Variants in DPP6 observed in about 807,000 individuals in gnomAD.
DPP6 encodes the protein A-type potassium channel modulatory protein DPP6.
Under a neutral mutation model 122.6 loss-of-function variants are expected in DPP6, and 69 were observed. The observed-to-expected ratio is 0.56, with a 90% CI of 0.46 to 0.69. DPP6 has a LOEUF of 0.69. Among genes scored for constraint, DPP6 ranks in the 30% least tolerant of loss-of-function variants. The probability of loss-of-function intolerance (pLI) is 0.00; values close to 1 mark genes in which losing one functional copy is unlikely to be tolerated. For synonymous variants in DPP6, 418 were observed against 433.1 expected, an observed-to-expected ratio of 0.97 and a Z score of 0.43; for missense variants, 928 against 1,116.9, an observed-to-expected ratio of 0.83 and a Z score of 2.41.
intron 1 of DPP6, among the ~76,000 whole-genome samples, chr7:153,964,982 T>C (rs71540572): frequency 0.15 from 11,457 of 78,752 alleles, 836 homozygotes; most frequent in Admixed American, 0.23. Flanking sequence ...TCTTTTCCCT[T>C]CCTTCCTTCC....
chr7:153,984,719 G>A (rs1293862291), intron 1 of DPP6, among the ~76,000 whole-genome samples: 1 of 152,186 alleles, frequency 6.6e-6, no homozygotes, highest in Non-Finnish European at 1.5e-5. Context: ...CCATGAGGTT[G>A]TCATCATTTA....
intron 1 of DPP6, among the ~76,000 whole-genome samples, chr7:154,424,470 C>A (rs774195885): frequency 6.6e-6 from 1 of 152,182 alleles, no homozygotes; most frequent in African/African-American, 2.4e-5. Flanking sequence ...CTCTTTCCTC[C>A]GCCTTCAGAG....
chr7:154,363,380 G>A (rs1811896239), intron 1 of DPP6, among the ~76,000 whole-genome samples: 2 of 152,212 alleles, frequency 1.3e-5, no homozygotes, highest in South Asian at 4.1e-4. Flanking sequence ...AGAGGGTTGG[G>A]TAGGGCTTTA....
chr7:154,388,747 C>T (rs182868563), intron 1 of DPP6, among the ~76,000 whole-genome samples: 1 of 151,990 alleles, frequency 6.6e-6, no homozygotes, highest in African/African-American at 2.4e-5. Flanking sequence ...TGGGGTGGAG[C>T]GTTGACCAGG....
chr7:154,082,921 T>C (rs1415771765), intron 1 of DPP6, among the ~76,000 whole-genome samples: 7 of 148,974 alleles, frequency 4.7e-5, no homozygotes, highest in Non-Finnish European at 1.5e-5. Context: ...TGATCTCAGC[T>C]CACTGCAAGC....
rs370831614 is a variant in DPP6, at chr7:154,217,157, G to C, written c.243+164094G>C. Among the ~76,000 whole-genome samples, 31 of 151,780 alleles carry C rather than the reference G, an allele frequency of 2.0e-4. No individual in the cohort carries two copies. The South Asian group carries it at 6.4e-3, about 32-fold the overall frequency. The stretch of plus-strand genomic sequence containing the variant: ...AGCACTCAAATTTTTTTTTGGAAAA[G>C]GCACAAAGGTAAACAGATAAAGGAG... On this transcript the variant is annotated intron_variant, in intron 1 of 25. Coordinates refer to ENST00000377770, the MANE Select transcript of DPP6 (RefSeq NM_130797.4).
intron 1 of DPP6, among the ~76,000 whole-genome samples, chr7:153,924,398 G>A: frequency 6.6e-6 from 1 of 152,152 alleles, no homozygotes; most frequent in Non-Finnish European, 1.5e-5. Flanking sequence ...GTGAGCCACT[G>A]TGCCCGGCCT....
chr7:154,744,231 C>T (rs893499308), intron 8 of DPP6, among the ~76,000 whole-genome samples: 6 of 152,118 alleles, frequency 3.9e-5, no homozygotes, highest in Non-Finnish European at 8.8e-5. Context: ...CTCACCACAC[C>T]CGCCCCCCAG....
At chr7:153,991,769 C>G (rs1797189453) in intron 1 of DPP6, among the ~76,000 whole-genome samples, 1 of 151,966 alleles carries the variant, frequency 6.6e-6, no homozygotes, top group Non-Finnish European at 1.5e-5. Flanking sequence ...GAGGTTCTTG[C>G]AACTTCCCCA....
At chr7:154,621,574 C>G (rs904048226) in intron 5 of DPP6, among the ~76,000 whole-genome samples, 1 of 152,156 alleles carries the variant, frequency 6.6e-6, no homozygotes, top group Admixed American at 6.6e-5. Flanking sequence ...GCCATGTTGG[C>G]CAGGCTGGTC....
At chr7:154,357,422 G>C (rs1163216616) in intron 1 of DPP6, among the ~76,000 whole-genome samples, 1 of 152,038 alleles carries the variant, frequency 6.6e-6, no homozygotes, top group East Asian at 1.9e-4. Flanking sequence ...TTTTATTCTA[G>C]CCAAATTGCT....
intron 1 of DPP6, among the ~76,000 whole-genome samples, chr7:153,949,430 G>A (rs1262235986): frequency 6.6e-6 from 1 of 152,166 alleles, no homozygotes; most frequent in Non-Finnish European, 1.5e-5. Flanking sequence ...GGCTTGCATG[G>A]TGTGTGGTGC....
intron 5 of DPP6, among the ~76,000 whole-genome samples, chr7:154,628,143 T>C (rs1381898372): frequency 6.6e-6 from 1 of 152,212 alleles, no homozygotes; most frequent in African/African-American, 2.4e-5. Context: ...TCCTGCATTC[T>C]GAATGCACCA....
At chr7:153,903,274 A>G (rs1458248526) in intron 1 of DPP6, among the ~76,000 whole-genome samples, 1 of 152,206 alleles carries the variant, frequency 6.6e-6, no homozygotes, top group Admixed American at 6.5e-5. Flanking sequence ...AGGAGCAGCC[A>G]TAGGGGTGAT....
At chr7:153,798,008 AT>A in the DPP6 span, among the ~76,000 whole-genome samples, 3 of 151,872 alleles carry the variant, frequency 2.0e-5, no homozygotes, top group Non-Finnish European at 2.9e-5. Context: ...TGCCCAGCTA[AT>A]TTTTTTGTAT....
chr7:154,640,658 T>A (rs1234113923), intron 6 of DPP6, among the ~76,000 whole-genome samples: 1 of 152,164 alleles, frequency 6.6e-6, no homozygotes, highest in Non-Finnish European at 1.5e-5. Context: ...CTGTCACCGG[T>A]GTGCGTGCTC....
rs1446308111 is a variant in DPP6, at chr7:154,019,533, A to C, written c.51+131799A>C. ...CTTAGTTTTCAACACCAGGCTCCAT[A>C]TTTAATGCACACAGTGTAACTAGCT... On this transcript the variant is annotated intron_variant, in intron 1 of 25. Coordinates refer to the DPP6 transcript ENST00000404039. Among the ~76,000 whole-genome samples the C allele has an allele frequency of 2.0e-5, 3 of 151,068 alleles. No homozygotes were observed. In the East Asian group the frequency reaches 5.9e-4, roughly 30 times the overall value.
At chr7:154,183,419 A>T (rs1798193429) in intron 1 of DPP6, among the ~76,000 whole-genome samples, 1 of 152,202 alleles carries the variant, frequency 6.6e-6, no homozygotes. Context: ...GTGGCTCCTG[A>T]TCTTTTTAAA....
chr7:154,328,307 A>G (rs1808622067), intron 1 of DPP6, among the ~76,000 whole-genome samples: 1 of 152,192 alleles, frequency 6.6e-6, no homozygotes, highest in Non-Finnish European at 1.5e-5. Flanking sequence ...AGGCATTCCA[A>G]GGCTCTTGAA....
Sources: allele counts gnomAD v4.1 joint callset (sites outside exome capture counted in the v4.1 genomes callset), GRCh38; gene constraint gnomAD v4.1.1; transcripts MANE v1.5; gene names NCBI Gene and HGNC (gene_info 2026-07-23, HGNC 2026-07-21).